Variants in ST3GAL6 observed in about 807,000 individuals in gnomAD.
ST3GAL6 encodes the protein ST3 beta-galactoside alpha-2,3-sialyltransferase 6, also known as type 2 lactosamine alpha-2,3-sialyltransferase.
In ST3GAL6, 31 loss-of-function variants were observed where a neutral mutation model predicts 40.5. The ratio of observed to expected loss-of-function variants is 0.77; its 90% CI spans 0.58 to 1.03. The LOEUF is 1.03. Among genes scored for constraint, ST3GAL6 ranks in the 50% least tolerant of loss-of-function variants. ST3GAL6 has a pLI of 0.00. For synonymous variants in ST3GAL6, 129 were observed against 136.9 expected (o/e 0.94, Z 0.40); for missense variants, 357 against 393.2 (o/e 0.91, Z 0.78).
At chr3:98,792,206 C>A (rs1941265737) in intron 9 of ST3GAL6, among the ~76,000 whole-genome samples, 1 of 152,180 alleles carries the variant, frequency 6.6e-6, no homozygotes, top group Non-Finnish European at 1.5e-5. Context: ...ATTTATGGGC[C>A]TCATGGTTAT....
chr3:98,760,779 C>T (rs1412929333), upstream of ST3GAL6, among the ~76,000 whole-genome samples: 2 of 152,100 alleles, frequency 1.3e-5, no homozygotes, highest in African/African-American at 4.8e-5. Flanking sequence ...GTTTTATTTA[C>T]AATAACCAAA....
chr3:98,742,362 C>T (rs1936165886), intron 1 of ST3GAL6, among the ~76,000 whole-genome samples: 1 of 152,130 alleles, frequency 6.6e-6, no homozygotes, highest in African/African-American at 2.4e-5. Context: ...GGAAATTAAG[C>T]ATTAGGACCC....
chr3:98,785,870 A>G (rs1184136626), intron 6 of ST3GAL6, among the ~76,000 whole-genome samples: 1 of 152,088 alleles, frequency 6.6e-6, no homozygotes, highest in Non-Finnish European at 1.5e-5. Context: ...TTGTTGTAGG[A>G]GAGGAAGAGA....
chr3:98,739,115 T>A (rs1935833827), intron 1 of ST3GAL6, among the ~76,000 whole-genome samples: 1 of 151,960 alleles, frequency 6.6e-6, no homozygotes, highest in African/African-American at 2.4e-5. Flanking sequence ...TGGAAAACAG[T>A]GAAATTAAGG....
At chr3:98,742,222 T>G (rs1936154538) in intron 1 of ST3GAL6, among the ~76,000 whole-genome samples, 1 of 152,238 alleles carries the variant, frequency 6.6e-6, no homozygotes, top group African/African-American at 2.4e-5. Context: ...TATTCATAGC[T>G]TATGCAATAC....
chr3:98,791,710 G>A lies in ST3GAL6; in HGVS notation c.757-131G>A, dbSNP rs980432514. ...CTCTTTGGGGCTTGAGCCTTATAAT[G>A]AGAGTTTAGTTATTTCTCTCCTTAT... On this transcript the variant is annotated intron_variant, in intron 8 of 9. Transcript: ENST00000483910. 4.8e-5 allele frequency: 38 copies of A among 794,290 alleles called. No individual in the cohort carries two copies. The African/African-American group carries it at 5.4e-4, about 11-fold the overall frequency. 49.2% of individuals were successfully genotyped at this position (794,290 alleles called of 1,614,324 possible).
chr3:98,732,847 C>T (rs1390675471), intron 1 of ST3GAL6: 4 of 1,507,706 alleles, frequency 2.7e-6, no homozygotes, highest in African/African-American at 1.4e-5. Flanking sequence ...CTGCCGGCCT[C>T]GGGCTTCTGC....
chr3:98,758,628 C>CT, upstream of ST3GAL6, among the ~76,000 whole-genome samples: 1 of 152,264 alleles, frequency 6.6e-6, no homozygotes. Flanking sequence ...GTCACAGATA[C>CT]TTTAAGATGT....
intron 1 of ST3GAL6, among the ~76,000 whole-genome samples, chr3:98,767,529 A>C (rs1226097835): frequency 6.6e-6 from 1 of 152,232 alleles, no homozygotes; most frequent in Non-Finnish European, 1.5e-5. Flanking sequence ...ACGAACTAGA[A>C]ACTTGATAAG....
In ST3GAL6 at chr3:98,793,858, A is replaced by G. The variant is rs374363665; in HGVS notation, c.*97A>G. The G allele has an allele frequency of 2.2e-5, 14 of 646,556 alleles. No individual in the cohort carries two copies. In the African/African-American group the frequency reaches 2.2e-4, roughly 10 times the overall value. The allele number at this position is 646,556 out of a possible 1,614,324, so 40.1% of individuals were successfully genotyped here. A position where few individuals can be genotyped will look rare whatever the true frequency, so the allele number is the denominator to read the frequency against. ...TGTTGGATGCACTCGTCAAATAATT[A>G]TGTATACTGTCTGTTGCTGCCTGGT... On this transcript the variant is annotated 3_prime_UTR_variant, in exon 10 of 10. Coordinates refer to ENST00000483910, the MANE Select transcript of ST3GAL6 (RefSeq NM_001323368.2).
intron 1 of ST3GAL6, among the ~76,000 whole-genome samples, chr3:98,753,641 C>T (rs1392119516): frequency 1.3e-5 from 2 of 152,196 alleles, no homozygotes; most frequent in East Asian, 3.8e-4. Flanking sequence ...TACTCATTTA[C>T]CATTCCGAAA....
chr3:98,733,652 T>C (rs754817246), intron 1 of ST3GAL6: 1 of 965,338 alleles, frequency 1.0e-6, no homozygotes. Context: ...AAGCAACTTG[T>C]CATTTTGAGG....
chr3:98,768,440 C>T lies in ST3GAL6; in HGVS notation c.-1C>T. On this transcript the variant is annotated 5_prime_UTR_variant, in exon 2 of 10. Transcript: ENST00000483910. ...TTCCTTGTGTTTCAGGTGAGCCAGC[C>T]ATGAGAGGGTATCTTGTGGCCATAT... The T allele has an allele frequency of 6.2e-7, 1 of 1,613,564 alleles. No individual in the cohort carries two copies. The highest frequency in any genetic ancestry group is 8.5e-7 in the Non-Finnish European group (1 of 1,179,558).
chr3:98,792,733 G>C (rs1350031710), intron 9 of ST3GAL6, among the ~76,000 whole-genome samples: 1 of 149,372 alleles, frequency 6.7e-6, no homozygotes, highest in African/African-American at 2.5e-5. Context: ...TGGCCAGGCT[G>C]GTCTCGAACT....
At chr3:98,772,605 C>G (rs1014896625) in intron 3 of ST3GAL6, among the ~76,000 whole-genome samples, 3 of 151,764 alleles carry the variant, frequency 2.0e-5, no homozygotes, top group African/African-American at 7.3e-5. Context: ...GTTTTCATTT[C>G]AGTTGTGTAG....
intron 3 of ST3GAL6, chr3:98,771,231 G>A (rs1254906465): frequency 6.0e-6 from 7 of 1,171,876 alleles, no homozygotes; most frequent in Admixed American, 2.7e-5. Flanking sequence ...TTATAAAAAA[G>A]CGAATTGTTC....
At chr3:98,741,083 T>TGTGTGTGTGTGA (rs374127164) in intron 1 of ST3GAL6, among the ~76,000 whole-genome samples, 9,888 of 150,282 alleles carry the variant, frequency 0.066, 379 homozygotes, top group Middle Eastern at 0.12. Flanking sequence ...TGTGTGTGTG[T>TGTGTGTGTGTGA]GCATGCATGT....
At chr3:98,742,209 T>C (rs969152187) in intron 1 of ST3GAL6, among the ~76,000 whole-genome samples, 5 of 152,236 alleles carry the variant, frequency 3.3e-5, no homozygotes, top group Non-Finnish European at 7.3e-5. Context: ...TATATCAATG[T>C]GTTATTCATA....
chr3:98,754,098 CACAT>C (rs1473625643), intron 1 of ST3GAL6, among the ~76,000 whole-genome samples: 3 of 152,126 alleles, frequency 2.0e-5, no homozygotes, highest in Non-Finnish European at 2.9e-5. Flanking sequence ...CTCTAGGTGT[CACAT>C]AGATAGTGTG....
Sources: gnomAD v4.1 joint callset for allele counts (sites outside exome capture counted in the v4.1 genomes callset) on GRCh38, gnomAD v4.1.1 for gene constraint, MANE v1.5 for transcripts, NCBI Gene and HGNC (gene_info 2026-07-23, HGNC 2026-07-21) for gene names.